GSK3B: variants seen among roughly 807,000 people sequenced by gnomAD.
GSK3B encodes the protein glycogen synthase kinase-3 beta.
In GSK3B, 15 loss-of-function variants were observed where a neutral mutation model predicts 56.4. The observed-to-expected ratio is 0.27, with a 90% CI of 0.18 to 0.41. The LOEUF (loss-of-function observed/expected upper bound fraction) is 0.41. Among genes scored for constraint, GSK3B ranks in the 10% least tolerant of loss-of-function variants. The pLI is 1.00. For synonymous variants in GSK3B, 181 were observed against 188.9 expected (o/e 0.96, Z 0.34); for missense variants, 300 against 513.4 (o/e 0.58, Z 4.02).
intron 1 of GSK3B, among the ~76,000 whole-genome samples, chr3:120,035,383 G>C (rs1458179544): frequency 6.6e-6 from 1 of 152,182 alleles, no homozygotes; most frequent in Admixed American, 6.5e-5. Context: ...AATTTCGGTT[G>C]TTTTAAGCCA....
chr3:120,012,353 A>G (rs1056878590), intron 1 of GSK3B, among the ~76,000 whole-genome samples: 10 of 152,222 alleles, frequency 6.6e-5, no homozygotes, highest in Non-Finnish European at 1.3e-4. Context: ...GCCCAGTACT[A>G]AATTTCCTAG....
chr3:120,049,024 G>T (rs1016182862), intron 1 of GSK3B, among the ~76,000 whole-genome samples: 4 of 152,166 alleles, frequency 2.6e-5, no homozygotes, highest in African/African-American at 9.7e-5. Context: ...GGCAAATCTA[G>T]TTCCTTTTTA....
intron 1 of GSK3B, among the ~76,000 whole-genome samples, chr3:120,002,469 G>A (rs1469792045): frequency 2.6e-5 from 4 of 151,836 alleles, no homozygotes; most frequent in African/African-American, 9.7e-5. Context: ...CTCCCGAGTA[G>A]CTAGGATTAC....
chr3:119,885,959 T>C (rs1212789348), intron 7 of GSK3B, among the ~76,000 whole-genome samples: 1 of 152,058 alleles, frequency 6.6e-6, no homozygotes, highest in Admixed American at 6.6e-5. Flanking sequence ...CAAGAAAACC[T>C]AGGAAACACT....
intron 10 of GSK3B, among the ~76,000 whole-genome samples, chr3:119,832,353 C>G (rs1452149766): frequency 6.6e-6 from 1 of 152,246 alleles, no homozygotes; most frequent in Non-Finnish European, 1.5e-5. Context: ...AATGTTTTGA[C>G]TATGTCATGA....
At chr3:120,007,255 T>C (rs1374534091) in intron 1 of GSK3B, among the ~76,000 whole-genome samples, 2 of 152,090 alleles carry the variant, frequency 1.3e-5, no homozygotes, top group South Asian at 2.1e-4. Context: ...TTCTGAAATT[T>C]AGGCAATAAT....
At chr3:119,991,818 G>A (rs916997335) in intron 2 of GSK3B, among the ~76,000 whole-genome samples, 29 of 152,004 alleles carry the variant, frequency 1.9e-4, no homozygotes, top group African/African-American at 6.3e-4. Context: ...GAAAAAAACC[G>A]AGCTTGGTAT....
At position 119,821,504 on chromosome 3, in the gene GSK3B, G is replaced by C. The variant is rs184240292; in HGVS notation, c.*5284C>G. On this transcript the variant is annotated 3_prime_UTR_variant, in exon 11 of 11. Coordinates refer to ENST00000264235, the MANE Select transcript of GSK3B (RefSeq NM_001146156.2). ...AGCAGACTCAAACACAACATGTGTTGGTTACCTGGGAGGTACAGCCCCACT... is the reference window on the plus strand; with the variant it reads ...AGCAGACTCAAACACAACATGTGTTCGTTACCTGGGAGGTACAGCCCCACT... 3.3e-5 allele frequency: 5 copies of C among 152,122 alleles called. No homozygotes were observed. The highest frequency in any genetic ancestry group is 1.2e-4 in the African/African-American group (5 of 41,406). 9.4% of individuals were successfully genotyped at this position (152,122 alleles called of 1,614,324 possible). A position where few individuals can be genotyped will look rare whatever the true frequency, so the allele number is the denominator to read the frequency against.
chr3:120,071,143 C>T (rs988836383), intron 1 of GSK3B, among the ~76,000 whole-genome samples: 1 of 152,186 alleles, frequency 6.6e-6, no homozygotes, highest in Non-Finnish European at 1.5e-5. Context: ...TTTATTACAG[C>T]ACAACATCGT....
At chr3:119,932,400 G>A (rs112215213) in intron 3 of GSK3B, among the ~76,000 whole-genome samples, 1 of 151,926 alleles carries the variant, frequency 6.6e-6, no homozygotes. Context: ...GAGAGGCTGT[G>A]GGAAGGAAAT....
At chr3:120,089,331 G>A (rs533302232) in intron 1 of GSK3B, among the ~76,000 whole-genome samples, 2 of 152,326 alleles carry the variant, frequency 1.3e-5, no homozygotes, top group African/African-American at 4.8e-5. Flanking sequence ...CAACTCTGGG[G>A]AAGTCGGGTT....
chr3:119,940,054 A>G (rs1471318849), intron 3 of GSK3B, among the ~76,000 whole-genome samples: 1 of 152,012 alleles, frequency 6.6e-6, no homozygotes, highest in African/African-American at 2.4e-5. Flanking sequence ...ATGATACTAT[A>G]AACATTTTAC....
chr3:119,853,305 A>C (rs2055965372), intron 9 of GSK3B, among the ~76,000 whole-genome samples: 1 of 152,214 alleles, frequency 6.6e-6, no homozygotes, highest in Admixed American at 6.5e-5. Context: ...TACCAGTACC[A>C]TGCTGTTTTG....
At chr3:120,033,669 G>A (rs1180414817) in intron 1 of GSK3B, among the ~76,000 whole-genome samples, 2 of 152,136 alleles carry the variant, frequency 1.3e-5, no homozygotes, top group East Asian at 3.9e-4. Flanking sequence ...GGAGGGGCCT[G>A]GTGGGAGTTG....
chr3:120,025,495 T>C (rs2057915165), intron 1 of GSK3B, among the ~76,000 whole-genome samples: 1 of 152,196 alleles, frequency 6.6e-6, no homozygotes, highest in African/African-American at 2.4e-5. Context: ...GAAGTAATTC[T>C]GGAGAAGATA....
chr3:120,064,027 T>G (rs1424341970), intron 1 of GSK3B, among the ~76,000 whole-genome samples: 3 of 151,882 alleles, frequency 2.0e-5, no homozygotes, highest in Non-Finnish European at 4.4e-5. Flanking sequence ...AAAAAGCAAT[T>G]TAACTGTACC....
chr3:119,887,714 C>T (rs2056454437), intron 7 of GSK3B, among the ~76,000 whole-genome samples: 1 of 151,864 alleles, frequency 6.6e-6, no homozygotes, highest in Admixed American at 6.6e-5. Flanking sequence ...CAAAACTTAC[C>T]CAAATTTTAT....
At chr3:120,079,275 C>G (rs73177904) in intron 1 of GSK3B, among the ~76,000 whole-genome samples, 12,887 of 142,784 alleles carry the variant, frequency 0.09, 689 homozygotes, top group Non-Finnish European at 0.12. Flanking sequence ...CACAACTCTC[C>G]TTTAATTTTC....
intron 10 of GSK3B, among the ~76,000 whole-genome samples, chr3:119,833,910 C>T (rs545166351): frequency 2.0e-5 from 3 of 151,990 alleles, no homozygotes; most frequent in African/African-American, 7.2e-5. Context: ...GTTGGCCAGG[C>T]TGGTCTCGAA....
Sources: gnomAD v4.1 joint callset for allele counts (sites outside exome capture counted in the v4.1 genomes callset) on GRCh38, gnomAD v4.1.1 for gene constraint, MANE v1.5 for transcripts, NCBI Gene and HGNC (gene_info 2026-07-23, HGNC 2026-07-21) for gene names.